The following UST variants were observed in gnomAD, a reference collection of about 807,000 sequenced individuals.
UST encodes the protein uronyl 2-sulfotransferase.
Under a neutral mutation model 45.6 loss-of-function variants are expected in UST, and 21 were observed. That is an observed-to-expected ratio of 0.46 (90% CI 0.33 to 0.66). UST has a LOEUF of 0.66. Among genes scored for constraint, UST ranks in the 30% least tolerant of loss-of-function variants. The probability of loss-of-function intolerance (pLI) is 0.02; values close to 1 mark genes in which losing one functional copy is unlikely to be tolerated. For synonymous variants in UST, 215 were observed against 200.6 expected (o/e 1.07, Z -0.61); for missense variants, 463 against 512.4 (o/e 0.90, Z 0.93).
intron 2 of UST, among the ~76,000 whole-genome samples, chr6:148,940,775 T>C (rs1396371844): frequency 6.6e-6 from 1 of 152,212 alleles, no homozygotes; most frequent in East Asian, 1.9e-4. Flanking sequence ...TGACTAATGA[T>C]GTTGAGCATT....
chr6:149,059,020 T>C (rs998559668), intron 7 of UST, among the ~76,000 whole-genome samples: 1 of 152,186 alleles, frequency 6.6e-6, no homozygotes, highest in Non-Finnish European at 1.5e-5. Flanking sequence ...TGGGCCATGA[T>C]GCCGAACTTG....
Position 149,005,449 on chromosome 6 carries a change from G to A in UST, c.682-13690G>A, listed in dbSNP as rs1562327141. ...AGAAGAAAAAGGGCATGCAACCTCA[G>A]CAGTGTCTCTCTGCCTCTCACCAAA... is the stretch of plus-strand genomic sequence containing the variant. On this transcript the variant is annotated intron_variant, in intron 5 of 7. Coordinates refer to ENST00000367463, the MANE Select transcript of UST (RefSeq NM_005715.3). The A allele has an allele frequency of 5.1e-6, 5 of 985,322 alleles. No individual in the cohort carries two copies. The East Asian group carries it at 5.7e-4, about 112-fold the overall frequency. 61.0% of individuals were successfully genotyped at this position (985,322 alleles called of 1,614,324 possible).
intron 1 of UST, among the ~76,000 whole-genome samples, chr6:148,820,318 G>T (rs1271923430): frequency 6.6e-6 from 1 of 152,078 alleles, no homozygotes; most frequent in East Asian, 1.9e-4. Context: ...AGACACGTGT[G>T]TGTGTGCATA....
Position 149,038,267 on chromosome 6 carries a change from A to G in UST, c.937+16786A>G, listed in dbSNP as rs534893649. 1.1e-4 allele frequency among the ~76,000 whole-genome samples: 17 copies of G among 151,078 alleles called. No homozygotes were observed. In the East Asian group the frequency reaches 2.7e-3, roughly 24 times the overall value. ...AAATATGTTGAAGTCCTAATCCCCT[A>G]TATCTGTGAATGAGACCTTATTTGG... On this transcript the variant is annotated intron_variant, in intron 7 of 7. Coordinates refer to ENST00000367463, the MANE Select transcript of UST (RefSeq NM_005715.3).
At chr6:148,775,420 C>T (rs562155000) in intron 1 of UST, among the ~76,000 whole-genome samples, 4 of 152,056 alleles carry the variant, frequency 2.6e-5, no homozygotes, top group South Asian at 2.1e-4. Flanking sequence ...GCAAAAAAAA[C>T]GTGAGCATGT....
intron 1 of UST, among the ~76,000 whole-genome samples, chr6:148,765,587 C>T (rs1776306459): frequency 6.6e-6 from 1 of 152,140 alleles, no homozygotes; most frequent in African/African-American, 2.4e-5. Flanking sequence ...AGGTGACATA[C>T]ATCCTCAGCT....
chr6:149,015,379 A>G (rs1265989008), intron 5 of UST, among the ~76,000 whole-genome samples: 1 of 152,228 alleles, frequency 6.6e-6, no homozygotes, highest in Non-Finnish European at 1.5e-5. Context: ...ACTCAGAGAG[A>G]TGATCTCATT....
At chr6:148,900,554 G>T (rs1219868164) in intron 2 of UST, among the ~76,000 whole-genome samples, 1 of 152,160 alleles carries the variant, frequency 6.6e-6, no homozygotes, top group Non-Finnish European at 1.5e-5. Context: ...TGATTGTGAG[G>T]CCTCCCAGCC....
At chr6:149,016,039 A>AAGCAG (rs1775892473) in intron 5 of UST, among the ~76,000 whole-genome samples, 1 of 152,190 alleles carries the variant, frequency 6.6e-6, no homozygotes, top group African/African-American at 2.4e-5. Flanking sequence ...TGGCAGCTCC[A>AAGCAG]TGCCTGGGGC....
intron 5 of UST, among the ~76,000 whole-genome samples, chr6:149,015,928 T>G (rs1775890049): frequency 6.6e-6 from 1 of 151,960 alleles, no homozygotes; most frequent in African/African-American, 2.4e-5. Context: ...CTGCTAAGAG[T>G]GGACTGGGTA....
At chr6:148,912,235 G>A (rs1455978068) in intron 2 of UST, among the ~76,000 whole-genome samples, 4 of 152,182 alleles carry the variant, frequency 2.6e-5, no homozygotes, top group Admixed American at 1.3e-4. Flanking sequence ...CTCTATCTAT[G>A]CGTCTTTTAT....
chr6:148,922,076 T>C (rs1779718540), intron 2 of UST, among the ~76,000 whole-genome samples: 1 of 152,194 alleles, frequency 6.6e-6, no homozygotes, highest in Admixed American at 6.5e-5. Context: ...ATGTACACTA[T>C]TGTTTTCAAA....
At chr6:148,774,847 C>T (rs942222394) in intron 1 of UST, among the ~76,000 whole-genome samples, 6 of 152,070 alleles carry the variant, frequency 3.9e-5, no homozygotes, top group South Asian at 2.1e-4. Flanking sequence ...GGTGAAACCC[C>T]GTCTTTACTA....
intron 5 of UST, among the ~76,000 whole-genome samples, chr6:148,967,621 G>A (rs1184110160): frequency 6.6e-6 from 1 of 152,206 alleles, no homozygotes; most frequent in African/African-American, 2.4e-5. Context: ...TTGTGTCTCA[G>A]CGGGGCGCAG....
chr6:149,011,935 G>T (rs1445582628), intron 5 of UST, among the ~76,000 whole-genome samples: 3 of 151,430 alleles, frequency 2.0e-5, no homozygotes, highest in Non-Finnish European at 4.4e-5. Flanking sequence ...AGTAAAGTTG[G>T]CATTATGTCT....
intron 7 of UST, among the ~76,000 whole-genome samples, chr6:149,056,314 G>A (rs906208304): frequency 1.3e-5 from 2 of 151,618 alleles, no homozygotes; most frequent in Non-Finnish European, 2.9e-5. Context: ...TGCCATGTTG[G>A]CCAAGCTGGT....
chr6:148,780,556 A>G (rs929117755), intron 1 of UST, among the ~76,000 whole-genome samples: 3 of 152,044 alleles, frequency 2.0e-5, no homozygotes, highest in Admixed American at 2.0e-4. Flanking sequence ...TTCTGTTCCT[A>G]TGTTAGTTTG....
intron 5 of UST, among the ~76,000 whole-genome samples, chr6:149,017,472 T>C (rs1225791373): frequency 6.6e-6 from 1 of 152,210 alleles, no homozygotes; most frequent in East Asian, 1.9e-4. Flanking sequence ...TCATCTTCCT[T>C]TATGCCAACC....
At position 148,754,425 on chromosome 6, in the gene UST, A is replaced by G. The variant is rs191107242; in HGVS notation, c.247+6748A>G. On this transcript the variant is annotated intron_variant, in intron 1 of 7. Coordinates refer to ENST00000367463, the MANE Select transcript of UST (RefSeq NM_005715.3). The stretch of plus-strand genomic sequence containing the variant: ...CTCGTCACCCAAGGAGTATACACAG[A>G]ACTCAATTTCTGGTCTTTTGTCCCT... 1.9e-3 allele frequency among the ~76,000 whole-genome samples: 292 copies of G among 152,234 alleles called. 2 individuals carry two copies. The highest frequency in any genetic ancestry group is 6.3e-3 in the African/African-American group (263 of 41,538).
Sources: gnomAD v4.1 joint callset for allele counts (sites outside exome capture counted in the v4.1 genomes callset) on GRCh38, gnomAD v4.1.1 for gene constraint, MANE v1.5 for transcripts, NCBI Gene and HGNC (gene_info 2026-07-23, HGNC 2026-07-21) for gene names.